Variants in PTPRG observed in about 807,000 individuals in gnomAD.
PTPRG encodes the protein protein tyrosine phosphatase receptor type G.
PTPRG carries 102 observed loss-of-function variants against 165.3 expected under a neutral mutation model. The ratio of observed to expected loss-of-function variants is 0.62; its 90% CI spans 0.53 to 0.73. The LOEUF is 0.73. PTPRG is among the 30% of genes least tolerant of loss of function. PTPRG has a pLI of 0.00. For synonymous variants in PTPRG, 675 were observed against 669.5 expected, an observed-to-expected ratio of 1.01 and a Z score of -0.13; for missense variants, 1,866 against 1,861.4, an observed-to-expected ratio of 1.00 and a Z score of -0.05.
At chr3:62,156,136 G>A (rs1422688381) in intron 6 of PTPRG, among the ~76,000 whole-genome samples, 1 of 152,200 alleles carries the variant, frequency 6.6e-6, no homozygotes, top group African/African-American at 2.4e-5. Context: ...ATTCCTTCCT[G>A]TCCCAGGGCC....
chr3:62,025,990 T>G (rs554136781), intron 4 of PTPRG, among the ~76,000 whole-genome samples: 1 of 152,348 alleles, frequency 6.6e-6, no homozygotes, highest in South Asian at 2.1e-4. Context: ...AAGTGATTTC[T>G]TTTTCAATAA....
intron 8 of PTPRG, among the ~76,000 whole-genome samples, chr3:62,172,054 T>TTGGG (rs1441495603): frequency 2.0e-5 from 3 of 152,226 alleles, no homozygotes; most frequent in Non-Finnish European, 2.9e-5. Context: ...TTCATCTGTA[T>TTGGG]TGGGGGCTGT....
At chr3:61,885,449 T>G (rs1003428964) in intron 2 of PTPRG, among the ~76,000 whole-genome samples, 1 of 151,676 alleles carries the variant, frequency 6.6e-6, no homozygotes, top group African/African-American at 2.4e-5. Flanking sequence ...TGCACATTAA[T>G]TCACGTGAGG....
intron 9 of PTPRG, among the ~76,000 whole-genome samples, chr3:62,193,357 A>G (rs923705905): frequency 6.6e-6 from 1 of 152,270 alleles, no homozygotes; most frequent in Non-Finnish European, 1.5e-5. Context: ...AATTAGTTTC[A>G]GAGAAAAAGA....
intron 1 of PTPRG, among the ~76,000 whole-genome samples, chr3:61,700,648 G>T (rs1242135204): frequency 6.6e-6 from 1 of 152,156 alleles, no homozygotes; most frequent in Non-Finnish European, 1.5e-5. Flanking sequence ...GTTTTGGGAG[G>T]CTCAACTCCA....
intron 1 of PTPRG, among the ~76,000 whole-genome samples, chr3:61,710,611 T>C (rs2031501616): frequency 6.6e-6 from 1 of 152,012 alleles, no homozygotes; most frequent in Non-Finnish European, 1.5e-5. Context: ...TGAGTTTTTT[T>C]GCATTTTTTT....
At chr3:62,166,299 C>T (rs1407794467) in intron 7 of PTPRG, among the ~76,000 whole-genome samples, 1 of 133,398 alleles carries the variant, frequency 7.5e-6, no homozygotes, top group African/African-American at 2.8e-5. Context: ...TGTTCCATTC[C>T]TCATATGTAA....
intron 6 of PTPRG, among the ~76,000 whole-genome samples, chr3:62,155,598 T>C (rs1704505164): frequency 6.6e-6 from 1 of 152,246 alleles, no homozygotes; most frequent in Admixed American, 6.5e-5. Context: ...CTGTAAATAC[T>C]CAGAATAGTG....
intron 2 of PTPRG, among the ~76,000 whole-genome samples, chr3:61,757,001 C>T (rs1488732803): frequency 2.0e-5 from 3 of 152,160 alleles, no homozygotes; most frequent in Admixed American, 6.5e-5. Context: ...TTCTGAAACA[C>T]GTGTGCATGT....
chr3:61,646,919 C>G (rs758618411), intron 1 of PTPRG, among the ~76,000 whole-genome samples: 1 of 152,140 alleles, frequency 6.6e-6, no homozygotes, highest in Non-Finnish European at 1.5e-5. Flanking sequence ...CAGTGTAGCT[C>G]CCCAGACCCA....
In PTPRG at chr3:62,273,738, T is replaced by C; in HGVS notation, c.3359T>C (p.Ile1120Thr). ...IFIHDALLEA[I>T]LGKETEVSSN... ...ATCCATGATGCCTTGTTGGAAGCCA[T>C]TCTTGGAAAGGAGACTGAAGTATCT... Residue 1120 changes from isoleucine (I) to threonine (T), a missense_variant, in exon 23 of 30, where the codon ATT (isoleucine) becomes ACT (threonine). By Grantham distance (89) the Ile-to-Thr change is moderately conservative (BLOSUM62 -1). Around this residue, in one of 3 missense-constraint regions of PTPRG, gnomAD observed 1,452 missense variants for 1,463.0 expected, o/e 0.99. Coordinates refer to ENST00000474889, the MANE Select transcript of PTPRG (RefSeq NM_002841.4). The surrounding 1 kb of genome is among the most constrained non-coding windows in gnomAD (Gnocchi z 4.1). The C allele has an allele frequency of 1.2e-6, 2 of 1,613,780 alleles. No homozygotes were observed. The highest frequency in any genetic ancestry group is 1.7e-4 in the Middle Eastern group (1 of 6,056).
At chr3:61,749,061 C>A in intron 2 of PTPRG, 79 bp downstream of exon 2, 2 of 1,106,998 alleles carry the variant, frequency 1.8e-6, no homozygotes, top group South Asian at 2.6e-5. Flanking sequence ...CACTTTGAAT[C>A]ACTTTTATGC....
rs531418485 is a variant in PTPRG, at chr3:61,685,211, G to T, written c.86-63667G>T. ...TGAGAATTTGGAATTATCAGTGGAGGCAGGAAGAGTTCAAGACAAGGAAAC... is the reference window on the plus strand; with the variant it reads ...TGAGAATTTGGAATTATCAGTGGAGTCAGGAAGAGTTCAAGACAAGGAAAC... On this transcript the variant is annotated intron_variant, in intron 1 of 29. Transcript: ENST00000474889. 4.6e-5 allele frequency among the ~76,000 whole-genome samples: 7 copies of T among 152,356 alleles called. No homozygotes were observed. The South Asian group carries it at 1.5e-3, about 32-fold the overall frequency.
intron 24 of PTPRG, 154 bp from the exon 25 acceptor site, chr3:62,276,818 G>C (rs1375927494): frequency 3.3e-6 from 2 of 613,752 alleles, no homozygotes; most frequent in African/African-American, 3.8e-5. Flanking sequence ...TTCTGCCTCA[G>C]CTGATAACAC....
chr3:61,800,535 A>G (rs2035198646), intron 2 of PTPRG, among the ~76,000 whole-genome samples: 1 of 152,056 alleles, frequency 6.6e-6, no homozygotes, highest in South Asian at 2.1e-4. Context: ...GGTTGGCACA[A>G]TCCCTAGTCT....
At chr3:61,876,942 A>T (rs566884048) in intron 2 of PTPRG, among the ~76,000 whole-genome samples, 1 of 152,242 alleles carries the variant, frequency 6.6e-6, no homozygotes, top group African/African-American at 2.4e-5. Flanking sequence ...GAGTGAGGTC[A>T]TAAAGTGTTG....
Position 62,249,416 on chromosome 3 carries a change from G to A in PTPRG, c.2467+5518G>A, listed in dbSNP as rs775731817. Among the ~76,000 whole-genome samples, 169 of 152,060 alleles carry A rather than the reference G, an allele frequency of 1.1e-3. 6 individuals are homozygous for A. The highest frequency in any genetic ancestry group is 2.2e-4 in the Non-Finnish European group (15 of 67,998). ...TGGAGCAGGGTGGAGGGAAGGGGGT[G>A]GGTAAGGTCTGAGCTGCACTGATTT... On this transcript the variant is annotated intron_variant, in intron 15 of 29. Transcript: ENST00000474889.
Position 61,748,363 on chromosome 3 carries a change from T to C in PTPRG, c.86-515T>C, listed in dbSNP as rs368093280. Among the ~76,000 whole-genome samples, 31 of 152,314 alleles carry C rather than the reference T, an allele frequency of 2.0e-4. No homozygotes were observed. The South Asian group carries it at 5.2e-3, about 25-fold the overall frequency. On this transcript the variant is annotated intron_variant, in intron 1 of 29. Transcript: ENST00000474889. ...CCAGTTACTTTGTGTCTCTGCTCCTTAGTTCCTCCATCTGTAAAAGAGATA... is the reference window on the plus strand; with the variant it reads ...CCAGTTACTTTGTGTCTCTGCTCCTCAGTTCCTCCATCTGTAAAAGAGATA...
At chr3:62,192,952 T>C (rs1285990075) in intron 9 of PTPRG, among the ~76,000 whole-genome samples, 1 of 152,226 alleles carries the variant, frequency 6.6e-6, no homozygotes, top group Non-Finnish European at 1.5e-5. Context: ...TCATATTTCT[T>C]TAGATGAAGA....
Sources: allele counts gnomAD v4.1 joint callset (sites outside exome capture counted in the v4.1 genomes callset), GRCh38; gene constraint gnomAD v4.1.1; regional missense constraint gnomAD v4.1.1; non-coding constraint Gnocchi (gnomAD v3.1); transcripts MANE v1.5; gene names NCBI Gene and HGNC (gene_info 2026-07-23, HGNC 2026-07-21).